OXR1: variants seen among roughly 807,000 people sequenced by gnomAD.
OXR1 encodes oxidation resistance 1.
A neutral mutation model predicts 104.6 loss-of-function variants in OXR1; 41 were observed. The observed-to-expected ratio is 0.39, with a 90% CI of 0.31 to 0.51. OXR1 has a LOEUF of 0.51. Among genes scored for constraint, OXR1 ranks in the 20% least tolerant of loss-of-function variants. The pLI is 0.77. For synonymous variants in OXR1, 348 were observed against 348.4 expected (o/e 1.00, Z 0.01); for missense variants, 955 against 1,031.9 (o/e 0.93, Z 1.02).
rs563924401 is a variant in OXR1, at chr8:106,508,594, A to C, written c.24-10349A>C. Among the ~76,000 whole-genome samples, 24 of 152,360 alleles carry C rather than the reference A, an allele frequency of 1.6e-4. No individual in the cohort carries two copies. In the South Asian group the frequency reaches 4.6e-3, roughly 29 times the overall value. On this transcript the variant is annotated intron_variant, in intron 2 of 16. Transcript: ENST00000517566. ...AATGTAATCAGTAATGCAATCGTAC[A>C]TTTTTAAAAACCACAAAATGTCATT...
Position 106,618,181 on chromosome 8 carries a change from A to G in OXR1, c.221-61029A>G, listed in dbSNP as rs190791319. 562 of 1,535,786 alleles carry G rather than the reference A, an allele frequency of 3.7e-4. No individual in the cohort carries two copies. In the African/African-American group the frequency reaches 6.4e-3, roughly 17 times the overall value. Reference sequence around the variant, plus strand: ...ACCTCAGAAATGTTCTGCCAGCGCAAAGGTATGTGTAAGTGCTCTCTTAGT... The same window carrying G: ...ACCTCAGAAATGTTCTGCCAGCGCAGAGGTATGTGTAAGTGCTCTCTTAGT... On this transcript the variant is annotated intron_variant, in intron 3 of 16. Transcript: ENST00000517566.
chr8:106,740,453 A>G lies in OXR1; in HGVS notation c.2274A>G (p.Leu758=). The change falls in exon 14 of 17, where the codon TTA becomes TTG. Residue 758 remains leucine, a synonymous_variant. Transcript: ENST00000517566. ...LKTLYRTMTG[L]DTPVLMVIKD... ...CTCTTTATCGAACAATGACAGGTTT[A>G]GACACCCCAGTGCTGATGGTGATTA... The G allele has an allele frequency of 6.2e-7, 1 of 1,613,416 alleles. No individual in the cohort carries two copies. Among genetic ancestry groups the G allele is most frequent in the Non-Finnish European group, 8.5e-7 (1 of 1,179,480 alleles).
intron 1 of OXR1, among the ~76,000 whole-genome samples, chr8:106,295,431 A>G (rs966218671): frequency 6.6e-6 from 1 of 152,164 alleles, no homozygotes; most frequent in African/African-American, 2.4e-5. Context: ...TGATGTATAC[A>G]TATTATAATG....
chr8:106,327,131 C>T (rs980793255), intron 1 of OXR1, among the ~76,000 whole-genome samples: 1 of 151,956 alleles, frequency 6.6e-6, no homozygotes, highest in Non-Finnish European at 1.5e-5. Flanking sequence ...TTTTAATATG[C>T]TATATTCAGT....
intron 3 of OXR1, among the ~76,000 whole-genome samples, chr8:106,564,194 G>A (rs977460092): frequency 6.6e-6 from 1 of 152,080 alleles, no homozygotes; most frequent in Admixed American, 6.6e-5. Flanking sequence ...GAATCCAGGA[G>A]CCAGTTTTTT....
At chr8:106,663,738 G>T (rs1825993923) in intron 3 of OXR1, among the ~76,000 whole-genome samples, 1 of 152,148 alleles carries the variant, frequency 6.6e-6, no homozygotes, top group East Asian at 1.9e-4. Context: ...ACTTTATTGT[G>T]AACTGCACAT....
intron 1 of OXR1, among the ~76,000 whole-genome samples, chr8:106,346,935 C>G (rs566389582): frequency 6.6e-6 from 1 of 152,064 alleles, no homozygotes; most frequent in African/African-American, 2.4e-5. Context: ...CCCAGCTACT[C>G]GGGAGGCTGA....
At chr8:106,346,855 C>G (rs530680134) in intron 1 of OXR1, among the ~76,000 whole-genome samples, 93 of 152,250 alleles carry the variant, frequency 6.1e-4, no homozygotes, top group African/African-American at 2.1e-3. Flanking sequence ...TTGGCTAACA[C>G]GGTGAAACCC....
chr8:106,647,770 G>A (rs555886283), intron 3 of OXR1, among the ~76,000 whole-genome samples: 4 of 152,310 alleles, frequency 2.6e-5, no homozygotes, highest in South Asian at 2.1e-4. Flanking sequence ...CTTAGATTAC[G>A]GGTGTGGGCT....
chr8:106,749,587 G>A (rs755405880), intron 16 of OXR1, among the ~76,000 whole-genome samples: 1 of 152,130 alleles, frequency 6.6e-6, no homozygotes, highest in African/African-American at 2.4e-5. Flanking sequence ...TGGCCACTGA[G>A]TTGACAGACA....
intron 2 of OXR1, among the ~76,000 whole-genome samples, chr8:106,368,954 C>G (rs1816598886): frequency 6.6e-6 from 1 of 152,138 alleles, no homozygotes; most frequent in Non-Finnish European, 1.5e-5. Context: ...ATTTCTGGTT[C>G]TAGATCCTTG....
chr8:106,638,431 A>G (rs989228689), intron 3 of OXR1, among the ~76,000 whole-genome samples: 28 of 152,276 alleles, frequency 1.8e-4, no homozygotes, highest in African/African-American at 6.3e-4. Flanking sequence ...ACTTGAAGGC[A>G]TCAGAATCAC....
chr8:106,282,005 ACC>A (rs1213739655), intron 1 of OXR1, among the ~76,000 whole-genome samples: 1 of 151,952 alleles, frequency 6.6e-6, no homozygotes, highest in Non-Finnish European at 1.5e-5. Flanking sequence ...TAAAACTCAA[ACC>A]CATTTATCAA....
At chr8:106,534,225 C>T (rs568953434) in intron 3 of OXR1, among the ~76,000 whole-genome samples, 3 of 152,214 alleles carry the variant, frequency 2.0e-5, no homozygotes, top group African/African-American at 7.2e-5. Flanking sequence ...TCCTGGGTAG[C>T]AAGACTAATT....
chr8:106,695,397 A>G (rs1409452519), intron 7 of OXR1, among the ~76,000 whole-genome samples: 1 of 149,888 alleles, frequency 6.7e-6, no homozygotes, highest in Non-Finnish European at 1.5e-5. Flanking sequence ...AAATGTTACT[A>G]TCATGTTTAT....
intron 2 of OXR1, among the ~76,000 whole-genome samples, chr8:106,410,869 A>G (rs73307121): frequency 6.6e-6 from 1 of 152,090 alleles, no homozygotes; most frequent in African/African-American, 2.4e-5. Context: ...TGTTGCATCT[A>G]TGGTTTTATA....
At chr8:106,663,715 C>T (rs1003144417) in intron 3 of OXR1, among the ~76,000 whole-genome samples, 2 of 152,182 alleles carry the variant, frequency 1.3e-5, no homozygotes, top group East Asian at 1.9e-4. Context: ...ATTAGATTCT[C>T]ATAGGAGTGT....
In OXR1 at chr8:106,339,507, AAAAAAAAAAAAAATATATATAT is replaced by A. The variant is rs1222824797; in HGVS notation, c.-138-19967_-138-19946del. ...AGACTCCATCCAAAAAAAAAAAAAA[AAAAAAAAAAAAAATATATATAT>A]ATATATATATATATATATATATATA... On this transcript the variant is annotated intron_variant, in intron 1 of 16. Transcript: ENST00000517566. Among the ~76,000 whole-genome samples the A allele has an allele frequency of 2.9e-4, 13 of 45,066 alleles. 1 individual carries two copies. Among genetic ancestry groups the A allele is most frequent in the African/African-American group, 1.2e-3 (8 of 6,576 alleles). The allele number at this position is 45,066 out of a possible 152,430, so 29.6% of individuals were successfully genotyped here.
chr8:106,299,023 G>C, intron 1 of OXR1, among the ~76,000 whole-genome samples: 1 of 151,044 alleles, frequency 6.6e-6, no homozygotes, highest in Non-Finnish European at 1.5e-5. Flanking sequence ...GATATACAAT[G>C]AGTTGGGATA....
Sources: allele counts gnomAD v4.1 joint callset (sites outside exome capture counted in the v4.1 genomes callset), GRCh38; gene constraint gnomAD v4.1.1; transcripts MANE v1.5; gene names NCBI Gene and HGNC (gene_info 2026-07-23, HGNC 2026-07-21).